Variants in HNRNPK observed in about 807,000 individuals in gnomAD.
HNRNPK encodes dC-stretch binding protein.
A neutral mutation model predicts 67.0 loss-of-function variants in HNRNPK; 7 were observed. The observed-to-expected ratio is 0.10, with a 90% CI of 0.06 to 0.20. The LOEUF is 0.20. Ranked by LOEUF, HNRNPK falls within the 10% of genes least tolerant of loss-of-function variation. HNRNPK has a pLI of 1.00. For missense variants in HNRNPK, 264 were observed against 606.5 expected (o/e 0.44, Z 5.93); for synonymous variants, 213 against 193.7 (o/e 1.10, Z -0.83).
At chr9:83,969,665 G>T in intron 16 of HNRNPK, 1 of 611,368 alleles carries the variant, frequency 1.6e-6, no homozygotes, top group Non-Finnish European at 3.0e-6. Context: ...AAACGGAATT[G>T]AAAGTTGTTA....
chr9:83,975,381 TTTAA>T (rs1957030682), intron 6 of HNRNPK, 77 bp downstream of exon 6: 1 of 1,214,976 alleles, frequency 8.2e-7, no homozygotes. Context: ...GGGGATACTA[TTTAA>T]TTATATAAAA....
At chr9:83,970,850 T>TA in intron 14 of HNRNPK, 31 bp from the exon 15 acceptor site, 2 of 1,607,770 alleles carry the variant, frequency 1.2e-6, no homozygotes, top group Non-Finnish European at 1.7e-6. Context: ...TAAGTTCATT[T>TA]AAAAAGTATG....
chr9:83,972,251 CCTT>C, intron 10 of HNRNPK, 62 bp from the exon 11 acceptor site: 2 of 1,209,326 alleles, frequency 1.7e-6, no homozygotes, highest in South Asian at 3.0e-5. Flanking sequence ...TCATACCAAT[CCTT>C]CTAACATCAT....
chr9:83,975,704 C>A, intron 5 of HNRNPK, 199 bp from the exon 6 acceptor site: 4 of 610,938 alleles, frequency 6.5e-6, no homozygotes, highest in Non-Finnish European at 9.1e-6. Flanking sequence ...ACATGGGCAA[C>A]GGAGATATAT....
At chr9:83,973,510 T>C in intron 8 of HNRNPK, 111 bp from the exon 9 acceptor site, 1 of 689,208 alleles carries the variant, frequency 1.5e-6, no homozygotes, top group Non-Finnish European at 2.6e-6. Context: ...AACCTGAATT[T>C]ATATTTCAAT....
Position 83,969,198 on chromosome 9 carries a change from T to G in HNRNPK, c.*209A>C. On this transcript the variant is annotated 3_prime_UTR_variant, in exon 17 of 17. Coordinates refer to ENST00000376263, the MANE Select transcript of HNRNPK (RefSeq NM_031263.4). ...ACGCCCTTCCCCCCCCCAACCCTGT[T>G]TGTAAGGAACTAAAACATTACATCT... is the stretch of plus-strand genomic sequence containing the variant. The G allele has an allele frequency of 5.2e-6, 3 of 575,322 alleles. No homozygotes were observed. Among genetic ancestry groups the G allele is most frequent in the Non-Finnish European group, 6.3e-6 (2 of 317,714 alleles). 35.6% of individuals were successfully genotyped at this position (575,322 alleles called of 1,614,324 possible).
intron 12 of HNRNPK, 92 bp downstream of exon 12, chr9:83,971,580 C>G: frequency 9.1e-7 from 1 of 1,094,112 alleles, no homozygotes; most frequent in South Asian, 1.3e-5. Flanking sequence ...GTAAGAAAAA[C>G]TTTTTAATCA....
intron 6 of HNRNPK, 103 bp from the exon 7 acceptor site, chr9:83,974,692 C>T: frequency 1.4e-6 from 1 of 723,406 alleles, no homozygotes. Context: ...AGATGTAACA[C>T]ATGATTATTT....
intron 4 of HNRNPK, 128 bp from the exon 5 acceptor site, chr9:83,977,179 G>A (rs1957107008): frequency 3.2e-6 from 2 of 628,276 alleles, no homozygotes; most frequent in Admixed American, 2.9e-5. Context: ...ATTTGGGGTT[G>A]TAAAAACGAC....
rs1333226672 is a variant in HNRNPK, at chr9:83,978,452, C to T, written c.-107G>A. On this transcript the variant is annotated splice_region_variant and 5_prime_UTR_variant, in exon 2 of 17. Coordinates refer to ENST00000376263, the MANE Select transcript of HNRNPK (RefSeq NM_031263.4). ...AACTGACACCCCAGTGCTGCAGTAG[C>T]CTATAAGAACCAACACAAATCAGTT... 5 of 1,029,836 alleles carry T rather than the reference C, an allele frequency of 4.9e-6. No individual in the cohort carries two copies. Among genetic ancestry groups the T allele is most frequent in the Admixed American group, 3.7e-5 (1 of 26,918 alleles). The allele number at this position is 1,029,836 out of a possible 1,614,324, so 63.8% of individuals were successfully genotyped here. A position where few individuals can be genotyped will look rare whatever the true frequency, so the allele number is the denominator to read the frequency against.
In HNRNPK at chr9:83,968,162, G is replaced by C. The variant is rs1192782196; in HGVS notation, c.*1245C>G. 1 of 152,448 alleles carries C rather than the reference G, an allele frequency of 6.6e-6. No individual in the cohort carries two copies. Among genetic ancestry groups the C allele is most frequent in the Non-Finnish European group, 1.5e-5 (1 of 67,996 alleles). 9.4% of individuals were successfully genotyped at this position (152,448 alleles called of 1,614,324 possible). On this transcript the variant is annotated 3_prime_UTR_variant, in exon 17 of 17. Transcript: ENST00000376263. ...GTGTCAATCAACCCTTGTTCAAATC[G>C]GGCACACATCAAATCTAGCATCATG...
intron 4 of HNRNPK, among the ~76,000 whole-genome samples, chr9:83,977,381 A>T (rs1046022014): frequency 3.3e-5 from 5 of 152,192 alleles, no homozygotes; most frequent in Non-Finnish European, 2.9e-5. Context: ...CCTGTGATCA[A>T]ACAATAAACT....
At chr9:83,973,574 T>C (rs1309719538) in intron 8 of HNRNPK, among the ~76,000 whole-genome samples, 175 bp from the exon 9 acceptor site, 1 of 152,206 alleles carries the variant, frequency 6.6e-6, no homozygotes, top group Non-Finnish European at 1.5e-5. Context: ...AAAAAGGACA[T>C]TCTGCACCAC....
intron 6 of HNRNPK, 21 bp from the exon 7 acceptor site, chr9:83,974,610 CAG>C: frequency 1.3e-6 from 2 of 1,551,456 alleles, no homozygotes; most frequent in South Asian, 1.1e-5. Context: ...CCACAAATAC[CAG>C]ATAGTACAAA....
intron 16 of HNRNPK, chr9:83,969,858 T>C (rs781265319): frequency 1.6e-6 from 1 of 610,902 alleles, no homozygotes. Context: ...CAACATCCAA[T>C]GAATCTTCTA....
At chr9:83,979,212 G>A (rs1957231781) in intron 1 of HNRNPK, among the ~76,000 whole-genome samples, 2 of 152,146 alleles carry the variant, frequency 1.3e-5, no homozygotes, top group South Asian at 4.1e-4. Context: ...CTACTAGAAG[G>A]TTGGCTAGAC....
rs541543577 is a variant in HNRNPK, at chr9:83,970,125, TA to T, written c.1361+36del. 176 of 1,528,648 alleles carry T rather than the reference TA, an allele frequency of 1.2e-4. No individual in the cohort carries two copies. In the African/African-American group the frequency reaches 2.2e-3, roughly 19 times the overall value. The allele number at this position is 1,528,648 out of a possible 1,614,324, so 94.7% of individuals were successfully genotyped here. On this transcript the variant is annotated intron_variant, in intron 16 of 16. Transcript: ENST00000376263. ...AAGAAAAGCTTTTTAAAGGTTTTAG[TA>T]TGTATAAGCTAACACAAAGCTAAAC...
chr9:83,977,031 T>C lies in HNRNPK; in HGVS notation c.177A>G (p.Gly59=), dbSNP rs771740177. The change falls in exon 5 of 17, where the codon GGA becomes GGG. Residue 59 remains glycine (G), a synonymous_variant. Coordinates refer to ENST00000376263, the MANE Select transcript of HNRNPK (RefSeq NM_031263.4). ...LQSKNAGAVI[G]KGGKNIKALR... ...GAGCCTTAATATTCTTGCCTCCTTT[T>C]CCAATCACTGCCCCAGCATTCTGGA... 1.2e-6 allele frequency: 2 copies of C among 1,612,058 alleles called. No homozygotes were observed. The highest frequency in any genetic ancestry group is 2.7e-5 in the African/African-American group (2 of 75,006).
intron 4 of HNRNPK, 25 bp from the exon 5 acceptor site, chr9:83,977,076 A>T (rs202043377): frequency 5.7e-6 from 9 of 1,583,290 alleles, no homozygotes; most frequent in Admixed American, 1.7e-5. Context: ...AAGACAAAAA[A>T]TTATTTTGCC....
Sources: gnomAD v4.1 joint callset for allele counts (sites outside exome capture counted in the v4.1 genomes callset) on GRCh38, gnomAD v4.1.1 for gene constraint, MANE v1.5 for transcripts, NCBI Gene and HGNC (gene_info 2026-07-23, HGNC 2026-07-21) for gene names.